Variants in ABHD12 observed in about 807,000 individuals in gnomAD.
ABHD12 encodes abhydrolase domain containing 12, lysophospholipase, also known as lysophosphatidylserine lipase ABHD12.
Under a neutral mutation model 58.3 loss-of-function variants are expected in ABHD12, and 43 were observed. The observed-to-expected ratio is 0.74, with a 90% CI of 0.58 to 0.95. The LOEUF (loss-of-function observed/expected upper bound fraction) is 0.95. ABHD12 is among the 40% of genes least tolerant of loss of function. The pLI, the probability that ABHD12 is intolerant of heterozygous loss-of-function variation, is 0.00. For synonymous variants in ABHD12, 219 were observed against 211.2 expected, an observed-to-expected ratio of 1.04 and a Z score of -0.32; for missense variants, 539 against 537.2, an observed-to-expected ratio of 1.00 and a Z score of -0.03.
chr20:25,387,653 T>C (rs952279661), intron 1 of ABHD12, among the ~76,000 whole-genome samples: 3 of 145,256 alleles, frequency 2.1e-5, no homozygotes, highest in African/African-American at 7.8e-5. Flanking sequence ...TATGGGAGGA[T>C]CGCCTGAGCC....
Position 25,390,622 on chromosome 20 carries a change from C to G in ABHD12, c.82G>C (p.Ala28Pro). ...AGGCGGCAGTCGGCGTCCAGCGCCG[C>G]GGCGGCCGAGCCGGAGGAGGACGAG... ...AGSSSSGSAA[A>P]ALDADCRLKQ... The change falls in exon 1 of 13, where the codon GCG (alanine) becomes CCG (proline). Residue 28 changes from alanine to proline, a missense_variant. Coordinates refer to ENST00000339157, the MANE Select transcript of ABHD12 (RefSeq NM_001042472.3). 1 of 1,460,766 alleles carries G rather than the reference C, an allele frequency of 6.8e-7. No individual in the cohort carries two copies. The highest frequency in any genetic ancestry group is 9.0e-7 in the Non-Finnish European group (1 of 1,111,818). The allele number at this position is 1,460,766 out of a possible 1,614,324, so 90.5% of individuals were successfully genotyped here.
chr20:25,352,152 T>TGG (rs1324958295), intron 1 of ABHD12, among the ~76,000 whole-genome samples: 1 of 151,576 alleles, frequency 6.6e-6, no homozygotes, highest in East Asian at 2.0e-4. Context: ...CCACCATTCC[T>TGG]GGCTAATTTT....
intron 10 of ABHD12, among the ~76,000 whole-genome samples, chr20:25,305,489 A>G (rs1269895844): frequency 2.0e-5 from 3 of 151,480 alleles, no homozygotes; most frequent in African/African-American, 7.3e-5. Context: ...CAGCCTCCTG[A>G]TTAGCTGGGA....
Position 25,309,451 on chromosome 20 carries a change from G to A in ABHD12, c.744C>T (p.Gly248=). Residue 248 remains glycine, a synonymous_variant, in exon 7 of 13, where the codon GGC becomes GGT. Coordinates refer to ENST00000339157, the MANE Select transcript of ABHD12 (RefSeq NM_001042472.3). ...CTCCTGCTGGGGTCCCTTACCCAGT[G>A]CCCAGAGAGTGGCCCCAGATGTACA... ...NPVYIWGHSL[G]TGVATNLVRR... The A allele has an allele frequency of 1.2e-6, 2 of 1,614,114 alleles. No homozygotes were observed. Among genetic ancestry groups the A allele is most frequent in the Non-Finnish European group, 1.7e-6 (2 of 1,179,996 alleles).
At chr20:25,370,717 G>A (rs779048584) in intron 1 of ABHD12, among the ~76,000 whole-genome samples, 5 of 152,064 alleles carry the variant, frequency 3.3e-5, no homozygotes, top group Non-Finnish European at 5.9e-5. Flanking sequence ...TGAAGAGGGC[G>A]ACCCACCAAT....
At chr20:25,297,975 TAAA>T (rs1568705135), downstream of ABHD12, 1 of 152,244 alleles carries the variant, frequency 6.6e-6, no homozygotes, top group African/African-American at 2.4e-5. Flanking sequence ...CCTTGTGAGA[TAAA>T]AACTGATTAA....
chr20:25,306,912 A>G lies in ABHD12; in HGVS notation c.871T>C (p.Tyr291His), dbSNP rs2088753872. ...EAKSHPFSVIYRYFPGFDWFF... is the reference protein window; with the variant it reads ...EAKSHPFSVIHRYFPGFDWFF... ...CAGTCAAACCCAGGGAAGTATCGAT[A>G]TATCTGGAGACAAGATGGAAACCAT... The change falls in exon 10 of 13, where the codon TAT becomes CAT. Residue 291 changes from tyrosine to histidine, a missense_variant. Transcript: ENST00000339157. 4.4e-6 allele frequency: 7 copies of G among 1,607,856 alleles called. No homozygotes were observed. The highest frequency in any genetic ancestry group is 1.1e-5 in the South Asian group (1 of 90,984).
chr20:25,386,678 C>A (rs899013741), intron 1 of ABHD12, among the ~76,000 whole-genome samples: 1 of 151,966 alleles, frequency 6.6e-6, no homozygotes, highest in African/African-American at 2.4e-5. Context: ...GTCAGTAGGT[C>A]GAGTCCAGCC....
chr20:25,384,282 T>C (rs1340226862), intron 1 of ABHD12, among the ~76,000 whole-genome samples: 1 of 150,678 alleles, frequency 6.6e-6, no homozygotes, highest in Non-Finnish European at 1.5e-5. Context: ...TATTTACCTT[T>C]AAAAATTATC....
chr20:25,371,951 C>T (rs142739446), intron 1 of ABHD12, among the ~76,000 whole-genome samples: 1 of 152,264 alleles, frequency 6.6e-6, no homozygotes, highest in African/African-American at 2.4e-5. Flanking sequence ...AGCATGCTTT[C>T]GGGGCATACG....
chr20:25,374,765 G>A (rs1036601228), intron 1 of ABHD12, among the ~76,000 whole-genome samples: 8 of 152,192 alleles, frequency 5.3e-5, no homozygotes, highest in African/African-American at 1.9e-4. Context: ...CTCCCAAAGT[G>A]CTGGGATTAC....
At chr20:25,362,211 C>T (rs1240466589) in intron 1 of ABHD12, among the ~76,000 whole-genome samples, 4 of 151,582 alleles carry the variant, frequency 2.6e-5, no homozygotes, top group Non-Finnish European at 4.4e-5. Context: ...ACCCAGCAGG[C>T]GGAGGTTGTG....
At position 25,363,044 on chromosome 20, in the gene ABHD12, C is replaced by T. The variant is rs185649432; in HGVS notation, c.192-23693G>A. 2.5e-3 allele frequency among the ~76,000 whole-genome samples: 385 copies of T among 152,018 alleles called. 1 individual carries two copies. The highest frequency in any genetic ancestry group is 5.0e-3 in the Non-Finnish European group (337 of 67,948). The stretch of plus-strand genomic sequence containing the variant: ...CAATCAATGGCAATTTTGACTCCTC[C>T]TTTTTATAAGGGTTATCTATTTCTC... On this transcript the variant is annotated intron_variant, in intron 1 of 12. Transcript: ENST00000339157.
chr20:25,345,651 T>C (rs2089508544), intron 1 of ABHD12, among the ~76,000 whole-genome samples: 1 of 152,066 alleles, frequency 6.6e-6, no homozygotes, highest in South Asian at 2.1e-4. Flanking sequence ...AACAGACACC[T>C]CTCCAAAGAA....
intron 2 of ABHD12, among the ~76,000 whole-genome samples, chr20:25,326,486 A>G (rs955119333): frequency 6.6e-6 from 1 of 152,216 alleles, no homozygotes; most frequent in Non-Finnish European, 1.5e-5. Flanking sequence ...TACCAAACTC[A>G]TAGGTATTTG....
intron 2 of ABHD12, among the ~76,000 whole-genome samples, chr20:25,326,362 C>T (rs2089177806): frequency 6.6e-6 from 1 of 152,194 alleles, no homozygotes; most frequent in Non-Finnish European, 1.5e-5. Flanking sequence ...AAACTGGCCT[C>T]ATAACTTGTC....
intron 2 of ABHD12, among the ~76,000 whole-genome samples, chr20:25,330,740 T>C (rs370287246): frequency 1.3e-5 from 2 of 152,080 alleles, no homozygotes; most frequent in East Asian, 1.9e-4. Context: ...CCAACAGACC[T>C]GCAGCTGAGG....
chr20:25,295,900 C>T (rs1392142786), downstream of ABHD12, among the ~76,000 whole-genome samples: 4 of 152,208 alleles, frequency 2.6e-5, no homozygotes, highest in South Asian at 4.1e-4. Flanking sequence ...AAGGAATGTG[C>T]GGCCTGGAAA....
intron 1 of ABHD12, among the ~76,000 whole-genome samples, chr20:25,359,410 C>T (rs1353242341): frequency 9.0e-6 from 1 of 110,660 alleles, no homozygotes; most frequent in Non-Finnish European, 1.7e-5. Flanking sequence ...GGCCACAGAG[C>T]GAGACTCCGT....
Sources: allele counts gnomAD v4.1 joint callset (sites outside exome capture counted in the v4.1 genomes callset), GRCh38; gene constraint gnomAD v4.1.1; transcripts MANE v1.5; gene names NCBI Gene and HGNC (gene_info 2026-07-23, HGNC 2026-07-21).